The following HMCN1 variants were observed in gnomAD, a reference collection of about 807,000 sequenced individuals.
HMCN1 encodes hemicentin-1.
HMCN1 carries 321 observed loss-of-function variants against 625.9 expected under a neutral mutation model. The ratio of observed to expected loss-of-function variants is 0.51; its 90% confidence interval spans 0.47 to 0.56. The LOEUF (loss-of-function observed/expected upper bound fraction) is 0.56, where lower values mean the gene tolerates loss of function less well. Ranked by LOEUF, HMCN1 falls within the 20% of genes least tolerant of loss-of-function variation. HMCN1 has a pLI of 0.00. For synonymous variants in HMCN1, 2,425 were observed against 2,417.6 expected (o/e 1.00, Z -0.09); for missense variants, 6,588 against 6,887.3 (o/e 0.96, Z 1.54).
chr1:185,762,279 T>C (rs1338276446), intron 1 of HMCN1, among the ~76,000 whole-genome samples: 3 of 152,208 alleles, frequency 2.0e-5, no homozygotes, highest in Non-Finnish European at 4.4e-5. Context: ...CAATCATTTG[T>C]TTCAGTGAAG....
At chr1:186,073,343 A>G (rs1429876003) in intron 52 of HMCN1, among the ~76,000 whole-genome samples, 3 of 152,202 alleles carry the variant, frequency 2.0e-5, no homozygotes, top group African/African-American at 7.2e-5. Context: ...TCTGATTGGA[A>G]CATATCAAGA....
In HMCN1 at chr1:185,911,829, AT is replaced by A; in HGVS notation, c.900+54del. 5.9e-6 allele frequency: 8 copies of A among 1,361,552 alleles called. No homozygotes were observed. In the Admixed American group the frequency reaches 1.2e-4, roughly 20 times the overall value. The allele number at this position is 1,361,552 out of a possible 1,614,324, so 84.3% of individuals were successfully genotyped here. On this transcript the variant is annotated intron_variant, in intron 6 of 106. Coordinates refer to ENST00000271588, the MANE Select transcript of HMCN1 (RefSeq NM_031935.3). The stretch of plus-strand genomic sequence containing the variant: ...TTTATTGTTTTATTTTGAAGTTGGC[AT>A]TTTTCATGAAGTATACACAATGGTT...
chr1:186,000,333 A>G, intron 26 of HMCN1, 94 bp downstream of exon 26: 1 of 881,134 alleles, frequency 1.1e-6, no homozygotes, highest in Non-Finnish European at 1.9e-6. Flanking sequence ...ATTTAATATT[A>G]ATGTGAATAG....
chr1:185,811,862 A>G (rs982266229), intron 1 of HMCN1, among the ~76,000 whole-genome samples: 1 of 152,108 alleles, frequency 6.6e-6, no homozygotes, highest in African/African-American at 2.4e-5. Context: ...ATTTTTGCAC[A>G]TTTTTCTTTT....
chr1:186,121,441 A>G (rs563800459), intron 80 of HMCN1, among the ~76,000 whole-genome samples: 6 of 152,176 alleles, frequency 3.9e-5, no homozygotes, highest in African/African-American at 1.2e-4. Flanking sequence ...GAATGAGAAA[A>G]CTGATGGATT....
chr1:185,984,429 A>G lies in HMCN1; in HGVS notation c.2935+116A>G, dbSNP rs534783882. The G allele has an allele frequency of 3.0e-5, 31 of 1,035,136 alleles. No individual in the cohort carries two copies. In the South Asian group the frequency reaches 3.6e-4, roughly 12 times the overall value. 64.1% of individuals were successfully genotyped at this position (1,035,136 alleles called of 1,614,324 possible). A position where few individuals can be genotyped will look rare whatever the true frequency, so the allele number is the denominator to read the frequency against. ...CAATTAGATATCTCTCTTAATTGTTATTTCCTATTTCTTGAACAATATCTA... is the reference window on the plus strand; with the variant it reads ...CAATTAGATATCTCTCTTAATTGTTGTTTCCTATTTCTTGAACAATATCTA... On this transcript the variant is annotated intron_variant, in intron 19 of 106. Transcript: ENST00000271588.
At chr1:185,764,770 C>A (rs983485647) in intron 1 of HMCN1, among the ~76,000 whole-genome samples, 1 of 152,004 alleles carries the variant, frequency 6.6e-6, no homozygotes, top group Admixed American at 6.6e-5. Flanking sequence ...TGAATAAAGT[C>A]TATATGAAAT....
Position 186,081,311 on chromosome 1 carries a change from C to T in HMCN1, c.8704C>T (p.Pro2902Ser). The T allele has an allele frequency of 6.2e-7, 1 of 1,613,608 alleles. No individual in the cohort carries two copies. The highest frequency in any genetic ancestry group is 1.7e-4 in the Middle Eastern group (1 of 6,054). Residue 2902 changes from proline (P) to serine (S), a missense_variant, in exon 56 of 107, where the codon CCA (proline) becomes TCA (serine). Around this residue, in one of 3 missense-constraint regions of HMCN1, gnomAD observed 4,628 missense variants for 4,853.1 expected, o/e 0.95. Coordinates refer to ENST00000271588, the MANE Select transcript of HMCN1 (RefSeq NM_031935.3). The part of the protein sequence containing the change: ...IECLSSGSPA[P>S]RNSWQKDGQP... ...GTGTTTATCCAGTGGCAGCCCAGCA[C>T]CAAGGAATTCCTGGCAGAAAGATGG... is the stretch of plus-strand genomic sequence containing the variant.
Position 185,928,588 on chromosome 1 carries a change from G to T in HMCN1, c.1473G>T (p.Leu491Phe), listed in dbSNP as rs1305962921. The change falls in exon 10 of 107, where the codon TTG (leucine) becomes TTT (phenylalanine). Residue 491 changes from leucine to phenylalanine, a missense_variant. By Grantham distance (22) the Leu-to-Phe change is conservative (BLOSUM62 0). Around this residue, in one of 3 missense-constraint regions of HMCN1, gnomAD observed 4,628 missense variants for 4,853.1 expected, o/e 0.95. Coordinates refer to ENST00000271588, the MANE Select transcript of HMCN1 (RefSeq NM_031935.3). ...SVNLDIAKVT[L>F]SDEGFYECIA... ...ACTTAGATATTGCAAAGGTCACTTTGTCTGACGAAGGTTTCTATGAATGCA... is the reference window on the plus strand; with the variant it reads ...ACTTAGATATTGCAAAGGTCACTTTTTCTGACGAAGGTTTCTATGAATGCA... 6.2e-7 allele frequency: 1 copy of T among 1,613,438 alleles called. No individual in the cohort carries two copies. Among genetic ancestry groups the T allele is most frequent in the East Asian group, 2.2e-5 (1 of 44,858 alleles).
At chr1:186,168,164 TATA>T (rs1363696367) in intron 100 of HMCN1, among the ~76,000 whole-genome samples, 1 of 149,848 alleles carries the variant, frequency 6.7e-6, no homozygotes. Context: ...GCAGAAGAAA[TATA>T]TTATTATTCA....
intron 18 of HMCN1, 72 bp downstream of exon 18, chr1:185,982,461 G>C: frequency 1.5e-6 from 2 of 1,303,970 alleles, no homozygotes; most frequent in Non-Finnish European, 2.1e-6. Flanking sequence ...TTTTTTCTTT[G>C]AGACAGTTTC....
intron 20 of HMCN1, among the ~76,000 whole-genome samples, chr1:185,987,917 A>T (rs978873380): frequency 1.3e-5 from 2 of 151,866 alleles, no homozygotes; most frequent in African/African-American, 4.8e-5. Context: ...GCGCATGTGG[A>T]ACTGACCAGT....
chr1:186,189,361 G>T (rs1371877163), intron 106 of HMCN1, 151 bp from the exon 107 acceptor site: 1 of 743,426 alleles, frequency 1.3e-6, no homozygotes, highest in Admixed American at 2.1e-5. Context: ...TTGAGTTAGT[G>T]ACACAGAAGA....
At chr1:186,179,187 C>T (rs1434066518) in intron 104 of HMCN1, among the ~76,000 whole-genome samples, 2 of 152,044 alleles carry the variant, frequency 1.3e-5, no homozygotes, top group Non-Finnish European at 2.9e-5. Flanking sequence ...GCTTCTCGGT[C>T]GACTGCTTGT....
In HMCN1 at chr1:186,122,958, A is replaced by T. The variant is rs773476618; in HGVS notation, c.12237A>T (p.Pro4079=). ...GKIKLNVQVP[P]VISPHLKEYV... is the part of the protein sequence containing the mutation. ...ATTTTTTGTATATTTTAGTTCCTCC[A>T]GTCATTAGCCCTCATCTAAAGGAAT... Residue 4079 remains proline (P), a synonymous_variant, in exon 81 of 107, where the codon CCA becomes CCT. Coordinates refer to ENST00000271588, the MANE Select transcript of HMCN1 (RefSeq NM_031935.3). 1.9e-6 allele frequency: 3 copies of T among 1,613,776 alleles called. No homozygotes were observed. In the South Asian group the frequency reaches 3.3e-5, roughly 18 times the overall value.
chr1:185,826,521 C>T (rs979811053), intron 1 of HMCN1, among the ~76,000 whole-genome samples: 6 of 152,124 alleles, frequency 3.9e-5, no homozygotes, highest in Admixed American at 1.3e-4. Context: ...GGGATACACA[C>T]TGAGATGCAA....
At chr1:185,937,907 A>G (rs934789727) in intron 11 of HMCN1, among the ~76,000 whole-genome samples, 5 of 147,626 alleles carry the variant, frequency 3.4e-5, no homozygotes, top group African/African-American at 1.2e-4. Flanking sequence ...TAATAATAAT[A>G]ATAATAATAA....
At chr1:186,163,394 C>A (rs373922032) in intron 97 of HMCN1, among the ~76,000 whole-genome samples, 1 of 152,190 alleles carries the variant, frequency 6.6e-6, no homozygotes, top group African/African-American at 2.4e-5. Context: ...CTTCGGCTCA[C>A]GCACGGTGCG....
intron 84 of HMCN1, 130 bp downstream of exon 84, chr1:186,130,230 T>A: frequency 7.9e-7 from 1 of 1,260,944 alleles, no homozygotes; most frequent in Non-Finnish European, 1.1e-6. Flanking sequence ...TTCACAGATG[T>A]ACAAATTCAT....
Sources: gnomAD v4.1 joint callset for allele counts (sites outside exome capture counted in the v4.1 genomes callset) on GRCh38, gnomAD v4.1.1 for gene constraint, gnomAD v4.1.1 regional missense constraint, MANE v1.5 for transcripts, NCBI Gene and HGNC (gene_info 2026-07-23, HGNC 2026-07-21) for gene names.